OSBP2: variants seen among roughly 807,000 people sequenced by gnomAD.
The protein encoded by OSBP2 is oxysterol-binding protein 2.
OSBP2 carries 66 observed loss-of-function variants against 96.0 expected under a neutral mutation model. The observed-to-expected ratio is 0.69, with a 90% CI of 0.56 to 0.84. The LOEUF (loss-of-function observed/expected upper bound fraction) is 0.84, where lower values mean the gene tolerates loss of function less well. Among genes scored for constraint, OSBP2 ranks in the 40% least tolerant of loss-of-function variants. OSBP2 has a pLI of 0.00. For missense variants in OSBP2, 1,038 were observed against 1,222.7 expected (o/e 0.85, Z 2.25); for synonymous variants, 525 against 520.9 (o/e 1.01, Z -0.11).
At chr22:30,761,389 CAA>C (rs2090203051) in intron 2 of OSBP2, among the ~76,000 whole-genome samples, 1 of 151,980 alleles carries the variant, frequency 6.6e-6, no homozygotes, top group Admixed American at 6.6e-5. Flanking sequence ...TATAACAAAA[CAA>C]ATATAGTATC....
At chr22:30,866,969 C>G (rs146768093) in intron 2 of OSBP2, among the ~76,000 whole-genome samples, 1 of 152,196 alleles carries the variant, frequency 6.6e-6, no homozygotes, top group African/African-American at 2.4e-5. Flanking sequence ...AGGCCCACCC[C>G]CTTGTGCTCA....
At chr22:30,831,736 G>A (rs1478603436) in intron 2 of OSBP2, among the ~76,000 whole-genome samples, 1 of 152,080 alleles carries the variant, frequency 6.6e-6, no homozygotes, top group Non-Finnish European at 1.5e-5. Flanking sequence ...TGACTGTACT[G>A]AATCCACTCT....
chr22:30,778,672 G>A (rs1266899442), intron 2 of OSBP2, among the ~76,000 whole-genome samples: 1 of 152,016 alleles, frequency 6.6e-6, no homozygotes, highest in East Asian at 1.9e-4. Context: ...AAAAATAGAA[G>A]TGAGTGCCTC....
chr22:30,694,553 G>A (rs927117718), upstream of OSBP2, among the ~76,000 whole-genome samples: 4 of 152,118 alleles, frequency 2.6e-5, no homozygotes, highest in African/African-American at 7.2e-5. Context: ...GGCGGGCTCC[G>A]CATTCATCAT....
intron 2 of OSBP2, among the ~76,000 whole-genome samples, chr22:30,768,834 TTTA>T (rs2090312023): frequency 6.6e-6 from 1 of 152,056 alleles, no homozygotes; most frequent in Non-Finnish European, 1.5e-5. Flanking sequence ...CAGATTGGAG[TTTA>T]TTCTTTGTTA....
At chr22:30,706,438 C>G (rs572769178) in intron 1 of OSBP2, among the ~76,000 whole-genome samples, 19 of 152,162 alleles carry the variant, frequency 1.2e-4, no homozygotes, top group African/African-American at 3.9e-4. Context: ...CATTTAATAC[C>G]GATTTAACAA....
At chr22:30,887,639 G>C in intron 4 of OSBP2, 21 bp downstream of exon 4, 1 of 1,559,466 alleles carries the variant, frequency 6.4e-7, no homozygotes, top group South Asian at 1.2e-5. Context: ...AGCCAGGGCA[G>C]GGCTGTCCCA....
At position 30,870,394 on chromosome 22, in the gene OSBP2, C is replaced by A. The variant is rs371811179; in HGVS notation, c.854-35C>A. On this transcript the variant is annotated intron_variant, in intron 2 of 13. Coordinates refer to ENST00000332585, the MANE Select transcript of OSBP2 (RefSeq NM_030758.4). The surrounding 1 kb of genome is among the most constrained non-coding windows in gnomAD (Gnocchi z 4.1). ...CAGGCCTCTTGGTACCACGTCTGTTCGTAATGACCGTAACAACTCTATTTT... is the reference window on the plus strand; with the variant it reads ...CAGGCCTCTTGGTACCACGTCTGTTAGTAATGACCGTAACAACTCTATTTT... The A allele has an allele frequency of 6.2e-7, 1 of 1,609,384 alleles. No homozygotes were observed. The highest frequency in any genetic ancestry group is 8.5e-7 in the Non-Finnish European group (1 of 1,178,490).
chr22:30,883,076 G>A (rs181573406), intron 3 of OSBP2, among the ~76,000 whole-genome samples: 51 of 152,352 alleles, frequency 3.3e-4, no homozygotes, highest in African/African-American at 1.2e-3. Context: ...GGATGGAGAG[G>A]ATGATTCTGG....
chr22:30,866,334 GAA>G (rs2147099455), intron 2 of OSBP2, among the ~76,000 whole-genome samples: 1 of 152,370 alleles, frequency 6.6e-6, no homozygotes, highest in Admixed American at 6.5e-5. Context: ...GCAGCCTGCA[GAA>G]GCTAGAAAAG....
At chr22:30,730,716 G>GTCTCTCTCTCTCTCTC (rs1191165719) in intron 1 of OSBP2, among the ~76,000 whole-genome samples, 2 of 19,966 alleles carry the variant, frequency 1.0e-4, no homozygotes, top group East Asian at 1.3e-3. Context: ...TCGCTGCCCT[G>GTCTCTCTCTCTCTCTC]TCTCTCTCTC....
intron 3 of OSBP2, among the ~76,000 whole-genome samples, chr22:30,882,532 G>T (rs2039725704): frequency 6.7e-6 from 1 of 150,260 alleles, no homozygotes; most frequent in African/African-American, 2.5e-5. Context: ...ATCTACCTCA[G>T]TGCTTGTAAG....
At chr22:30,783,747 G>T (rs78063781) in intron 2 of OSBP2, among the ~76,000 whole-genome samples, 1 of 152,112 alleles carries the variant, frequency 6.6e-6, no homozygotes, top group East Asian at 1.9e-4. Flanking sequence ...CGCAACTTAC[G>T]GCGATTTCTT....
At chr22:30,790,697 G>A (rs1015413821) in intron 2 of OSBP2, among the ~76,000 whole-genome samples, 2 of 150,982 alleles carry the variant, frequency 1.3e-5, no homozygotes, top group African/African-American at 4.9e-5. Context: ...TAGGTTAAAG[G>A]AAATTTTTTT....
At chr22:30,754,677 G>A (rs1232093702) in intron 2 of OSBP2, among the ~76,000 whole-genome samples, 1 of 152,150 alleles carries the variant, frequency 6.6e-6, no homozygotes, top group Non-Finnish European at 1.5e-5. Flanking sequence ...CCTCAGGGAA[G>A]CCTGTGTGCT....
At chr22:30,763,020 C>T (rs1338049898) in intron 2 of OSBP2, among the ~76,000 whole-genome samples, 1 of 152,230 alleles carries the variant, frequency 6.6e-6, no homozygotes, top group African/African-American at 2.4e-5. Flanking sequence ...GGCTCCCACA[C>T]TTACCCACTG....
In OSBP2 at chr22:30,890,151, A is replaced by G. The variant is rs998130880; in HGVS notation, c.1623+515A>G. 1.3e-5 allele frequency among the ~76,000 whole-genome samples: 2 copies of G among 152,170 alleles called. No homozygotes were observed. The highest frequency in any genetic ancestry group is 2.9e-5 in the Non-Finnish European group (2 of 68,026). ...TCACATCTCCAGCCTCTGTGTCCAC[A>G]TGTGTAGGGTGGGGAGAAACACAGC... is the stretch of plus-strand genomic sequence containing the variant. On this transcript the variant is annotated intron_variant, in intron 7 of 13. Transcript: ENST00000332585. This position sits in a 1 kb window ranked among gnomAD's most constrained non-coding sequence, Gnocchi z 4.4.
In OSBP2 at chr22:30,719,623, G is replaced by A. The variant is rs369956068; in HGVS notation, c.645-21538G>A. Among the ~76,000 whole-genome samples the A allele has an allele frequency of 6.6e-5, 10 of 151,470 alleles. No individual in the cohort carries two copies. In the East Asian group the frequency reaches 7.8e-4, roughly 12 times the overall value. On this transcript the variant is annotated intron_variant, in intron 1 of 13. Coordinates refer to ENST00000332585, the MANE Select transcript of OSBP2 (RefSeq NM_030758.4). ...TACAAAATAAGCCGGGAGTGGTGGC[G>A]CACCCCGGTAATCCCAGCTACTTGG...
At chr22:30,696,494 C>T (rs142312243) in intron 1 of OSBP2, among the ~76,000 whole-genome samples, 10 of 152,262 alleles carry the variant, frequency 6.6e-5, no homozygotes, top group African/African-American at 2.4e-4. Flanking sequence ...ACTTCCCAGG[C>T]GTGGCTGGTG....
Sources: gnomAD v4.1 joint callset for allele counts (sites outside exome capture counted in the v4.1 genomes callset) on GRCh38, gnomAD v4.1.1 for gene constraint, Gnocchi (gnomAD v3.1) non-coding constraint, MANE v1.5 for transcripts, NCBI Gene and HGNC (gene_info 2026-07-23, HGNC 2026-07-21) for gene names.